The following GABRG2 variants were observed in gnomAD, a reference collection of about 807,000 sequenced individuals.
The protein encoded by GABRG2 is gamma-aminobutyric acid receptor subunit gamma-2.
GABRG2 carries 16 observed loss-of-function variants against 56.4 expected under a neutral mutation model. The ratio of observed to expected loss-of-function variants is 0.28; its 90% confidence interval spans 0.19 to 0.43. The LOEUF (loss-of-function observed/expected upper bound fraction) is 0.43. Among genes scored for constraint, GABRG2 ranks in the 20% least tolerant of loss-of-function variants. GABRG2 has a pLI of 1.00. For missense variants in GABRG2, 327 were observed against 582.7 expected (o/e 0.56, Z 4.52); for synonymous variants, 208 against 205.5 (o/e 1.01, Z -0.10).
upstream of GABRG2, chr5:162,067,491 C>T (rs1324713446): frequency 7.1e-6 from 3 of 420,958 alleles, no homozygotes; most frequent in African/African-American, 4.1e-5. Flanking sequence ...CATAGTTAAT[C>T]TGCGTGATAG....
chr5:162,143,794 G>A (rs1305756239), intron 7 of GABRG2, among the ~76,000 whole-genome samples: 1 of 152,152 alleles, frequency 6.6e-6, no homozygotes, highest in Non-Finnish European at 1.5e-5. Flanking sequence ...AGTATTCGAT[G>A]CAAATTGCAC....
chr5:162,106,870 TA>T (rs1295891432), intron 6 of GABRG2, among the ~76,000 whole-genome samples: 1 of 151,108 alleles, frequency 6.6e-6, no homozygotes, highest in African/African-American at 2.4e-5. Flanking sequence ...ACTTTTAAGT[TA>T]GGGGGTACAT....
chr5:162,079,749 A>G (rs939869845), intron 1 of GABRG2, among the ~76,000 whole-genome samples: 1 of 152,078 alleles, frequency 6.6e-6, no homozygotes, highest in East Asian at 1.9e-4. Context: ...ACCCAGATAT[A>G]TATCTTATAC....
At chr5:162,116,896 G>C (rs1762661441) in intron 6 of GABRG2, among the ~76,000 whole-genome samples, 1 of 152,100 alleles carries the variant, frequency 6.6e-6, no homozygotes, top group South Asian at 2.1e-4. Flanking sequence ...AGAGTCCCAG[G>C]CTTGTGATTT....
At chr5:162,138,625 C>T (rs938647033) in intron 6 of GABRG2, among the ~76,000 whole-genome samples, 1 of 152,132 alleles carries the variant, frequency 6.6e-6, no homozygotes, top group Non-Finnish European at 1.5e-5. Flanking sequence ...AAGAGTACAA[C>T]ACTATTTATG....
chr5:162,119,736 C>T (rs1762860371), intron 6 of GABRG2, among the ~76,000 whole-genome samples: 1 of 152,118 alleles, frequency 6.6e-6, no homozygotes, highest in Non-Finnish European at 1.5e-5. Context: ...CACATCAATG[C>T]CTACATGCTT....
At position 162,132,060 on chromosome 5, in the gene GABRG2, G is replaced by C. The variant is rs1368190729; in HGVS notation, c.770-10104G>C. 2.0e-5 allele frequency among the ~76,000 whole-genome samples: 3 copies of C among 151,716 alleles called. No individual in the cohort carries two copies. The Admixed American group carries it at 2.0e-4, about 10-fold the overall frequency. The stretch of plus-strand genomic sequence containing the variant: ...AACAAATATTGATTAATTACAACCA[G>C]TTATTGCAACAGGTATTGCAAGAAC... On this transcript the variant is annotated intron_variant, in intron 6 of 9. Coordinates refer to ENST00000639213, the MANE Select transcript of GABRG2 (RefSeq NM_198904.4).
chr5:162,153,537 C>T lies in GABRG2; in HGVS notation c.*169C>T. Reference sequence around the variant, plus strand: ...GTCATATTGTTTGTGCCCAGCCCTCCTTTGGTTAGTGTACTTTGAACTTCG... The same window carrying T: ...GTCATATTGTTTGTGCCCAGCCCTCTTTTGGTTAGTGTACTTTGAACTTCG... On this transcript the variant is annotated 3_prime_UTR_variant, in exon 10 of 10. Coordinates refer to ENST00000639213, the MANE Select transcript of GABRG2 (RefSeq NM_198904.4). 1.2e-6 allele frequency: 1 copy of T among 835,100 alleles called. No individual in the cohort carries two copies. The highest frequency in any genetic ancestry group is 2.1e-5 in the Admixed American group (1 of 47,276). The allele number at this position is 835,100 out of a possible 1,614,324, so 51.7% of individuals were successfully genotyped here. A position where few individuals can be genotyped will look rare whatever the true frequency, so the allele number is the denominator to read the frequency against.
rs1234584859 is a variant in GABRG2, at chr5:162,075,072, ACTT to A, written c.107+6969_107+6971del. 2.6e-5 allele frequency among the ~76,000 whole-genome samples: 4 copies of A among 152,108 alleles called. No individual in the cohort carries two copies. In the East Asian group the frequency reaches 5.8e-4, roughly 22 times the overall value. On this transcript the variant is annotated intron_variant, in intron 1 of 9. Transcript: ENST00000639213. ...TACTCCTCTGTCATTTAATCCTTAAACTTCTATCACCTAGCTGCGAGGAGGGGG... is the reference window on the plus strand; with the variant it reads ...TACTCCTCTGTCATTTAATCCTTAAACTATCACCTAGCTGCGAGGAGGGGG...
intron 6 of GABRG2, among the ~76,000 whole-genome samples, chr5:162,110,166 T>G (rs578149998): frequency 9.5e-4 from 144 of 152,280 alleles, no homozygotes; most frequent in Middle Eastern, 3.4e-3. Flanking sequence ...AAAATCTGTG[T>G]ACCACTAAAT....
intron 6 of GABRG2, among the ~76,000 whole-genome samples, chr5:162,117,503 G>C (rs1762699309): frequency 6.6e-6 from 1 of 152,014 alleles, no homozygotes; most frequent in Non-Finnish European, 1.5e-5. Context: ...TTGTCAAAAA[G>C]AGTAGTTTCA....
intron 6 of GABRG2, among the ~76,000 whole-genome samples, chr5:162,133,535 A>T (rs756762700): frequency 1.1e-4 from 17 of 152,104 alleles, no homozygotes; most frequent in Non-Finnish European, 1.9e-4. Flanking sequence ...CTTTCGATGG[A>T]TCAAAGTAGC....
At chr5:162,125,833 G>T (rs73316328) in intron 6 of GABRG2, among the ~76,000 whole-genome samples, 2,823 of 151,938 alleles carry the variant, frequency 0.019, 86 homozygotes, top group African/African-American at 0.063. Context: ...ATAGACAAAG[G>T]TCTCCATAAA....
intron 8 of GABRG2, chr5:162,150,119 C>CA: frequency 6.5e-6 from 1 of 154,966 alleles, no homozygotes; most frequent in East Asian, 1.9e-4. Flanking sequence ...GTTTTTAAAA[C>CA]AAATGATTTA....
chr5:162,126,191 T>C (rs1475922008), intron 6 of GABRG2, among the ~76,000 whole-genome samples: 1 of 151,938 alleles, frequency 6.6e-6, no homozygotes, highest in Middle Eastern at 3.2e-3. Context: ...TGACATTTCA[T>C]ATTAAGATTA....
chr5:162,079,481 TTTG>T (rs1164961191), intron 1 of GABRG2, among the ~76,000 whole-genome samples: 7 of 152,196 alleles, frequency 4.6e-5, no homozygotes, highest in African/African-American at 1.7e-4. Flanking sequence ...TCCTATTTAT[TTTG>T]TTAATCACGT....
intron 1 of GABRG2, among the ~76,000 whole-genome samples, chr5:162,072,305 C>G (rs1414271476): frequency 1.3e-5 from 2 of 151,962 alleles, no homozygotes; most frequent in Non-Finnish European, 2.9e-5. Flanking sequence ...CCCAGCCATT[C>G]CAAGACAGGC....
chr5:162,067,991 A>AG lies in GABRG2; in HGVS notation c.-9_-8insG, dbSNP rs1561632178. ...GGCAAGAGGCGAGAGAAGGAAAAAA[A>AG]AAAAAGCGATGAGTTCGCCAAATAT... On this transcript the variant is annotated 5_prime_UTR_variant, in exon 1 of 10. Coordinates refer to ENST00000639213, the MANE Select transcript of GABRG2 (RefSeq NM_198904.4). 1 of 1,602,052 alleles carries AG rather than the reference A, an allele frequency of 6.2e-7. No homozygotes were observed. Among genetic ancestry groups the AG allele is most frequent in the Non-Finnish European group, 8.5e-7 (1 of 1,169,632 alleles).
At chr5:162,129,380 G>A (rs1227043019) in intron 6 of GABRG2, 1 of 151,612 alleles carries the variant, frequency 6.6e-6, no homozygotes, top group Admixed American at 6.6e-5. Flanking sequence ...CTTTCTTAAC[G>A]TGAAAAAGAT....
Sources: gnomAD v4.1 joint callset for allele counts (sites outside exome capture counted in the v4.1 genomes callset) on GRCh38, gnomAD v4.1.1 for gene constraint, MANE v1.5 for transcripts, NCBI Gene and HGNC (gene_info 2026-07-23, HGNC 2026-07-21) for gene names.